The following RGSL1 variants were observed in gnomAD, a reference collection of about 807,000 sequenced individuals.
The protein encoded by RGSL1 is regulator of G protein signaling like 1, also known as regulator of G protein signaling protein-like.
In RGSL1, 97 loss-of-function variants were observed where a neutral mutation model predicts 124.7. The observed-to-expected ratio is 0.78, with a 90% CI of 0.66 to 0.92. The LOEUF is 0.92. Ranked by LOEUF, RGSL1 falls within the 40% of genes least tolerant of loss-of-function variation. RGSL1 has a pLI of 0.00. For synonymous variants in RGSL1, 424 were observed against 438.1 expected (o/e 0.97, Z 0.40); for missense variants, 1,233 against 1,288.4 (o/e 0.96, Z 0.66).
intron 20 of RGSL1, chr1:182,555,784 A>T (rs1660830884): frequency 2.0e-6 from 1 of 512,690 alleles, no homozygotes; most frequent in African/African-American, 1.9e-5. Flanking sequence ...CAGTGCCCAG[A>T]AGACAAACCA....
In RGSL1 at chr1:182,556,214, C is replaced by A. The variant is rs911649248; in HGVS notation, c.*157C>A. 17 of 684,590 alleles carry A rather than the reference C, an allele frequency of 2.5e-5. No homozygotes were observed. Among genetic ancestry groups the A allele is most frequent in the South Asian group, 3.9e-5 (2 of 51,630 alleles). 42.4% of individuals were successfully genotyped at this position (684,590 alleles called of 1,614,324 possible). A position where few individuals can be genotyped will look rare whatever the true frequency, so the allele number is the denominator to read the frequency against. On this transcript the variant is annotated 3_prime_UTR_variant, in exon 21 of 22. Transcript: ENST00000294854. ...ACAGCCCAGATATGGCAGGACCAGA[C>A]TGCAATGGGTAAGACTTGGGCAGAG...
chr1:182,553,414 T>A, intron 18 of RGSL1, 41 bp from the exon 19 acceptor site: 2 of 1,440,162 alleles, frequency 1.4e-6, no homozygotes, highest in Non-Finnish European at 1.9e-6. Flanking sequence ...CAGTAGGAGT[T>A]GTCGCAGGTG....
At chr1:182,517,808 T>C (rs929969793) in intron 9 of RGSL1, among the ~76,000 whole-genome samples, 1 of 152,210 alleles carries the variant, frequency 6.6e-6, no homozygotes, top group African/African-American at 2.4e-5. Context: ...GATCACTGAG[T>C]TTTCTTAAAA....
At chr1:182,546,501 C>G (rs1313902108) in intron 15 of RGSL1, among the ~76,000 whole-genome samples, 1 of 152,284 alleles carries the variant, frequency 6.6e-6, no homozygotes, top group Non-Finnish European at 1.5e-5. Flanking sequence ...TCAAGCGATT[C>G]TCTTGCCTCA....
intron 9 of RGSL1, among the ~76,000 whole-genome samples, chr1:182,507,471 A>G (rs1656903140): frequency 6.6e-6 from 1 of 152,210 alleles, no homozygotes; most frequent in Non-Finnish European, 1.5e-5. Flanking sequence ...ATGAGTAAGA[A>G]CATGTGATAT....
At position 182,551,970 on chromosome 1, in the gene RGSL1, A is replaced by T. The variant is rs76015080; in HGVS notation, c.3043+761A>T. On this transcript the variant is annotated intron_variant, in intron 18 of 21. Coordinates refer to ENST00000294854, the MANE Select transcript of RGSL1 (RefSeq NM_001137669.2). ...TAGCCTAGAAGCAATAGGTTCTTCC[A>T]TAAAGCCTGAGTGTGTAGTGGGCTC... 4.1e-3 allele frequency among the ~76,000 whole-genome samples: 627 copies of T among 152,338 alleles called. 6 individuals carry two copies. Among genetic ancestry groups the T allele is most frequent in the African/African-American group, 0.014 (592 of 41,584 alleles).
intron 15 of RGSL1, among the ~76,000 whole-genome samples, chr1:182,543,080 C>T (rs1659989597): frequency 6.6e-6 from 1 of 152,108 alleles, no homozygotes; most frequent in African/African-American, 2.4e-5. Context: ...AGAACTTCCA[C>T]TACTATATTG....
chr1:182,471,311 C>G (rs1571505934), intron 4 of RGSL1: 1 of 457,470 alleles, frequency 2.2e-6, no homozygotes, highest in East Asian at 7.0e-5. Context: ...AAAGGCAGAC[C>G]AGTGGCTACT....
chr1:182,510,843 TG>T (rs1451461334), intron 9 of RGSL1, among the ~76,000 whole-genome samples: 1 of 152,230 alleles, frequency 6.6e-6, no homozygotes, highest in Non-Finnish European at 1.5e-5. Context: ...CCTTTTCAGG[TG>T]GATAGTCTGC....
At chr1:182,475,051 A>G (rs1654181201) in intron 6 of RGSL1, among the ~76,000 whole-genome samples, 1 of 152,150 alleles carries the variant, frequency 6.6e-6, no homozygotes, top group African/African-American at 2.4e-5. Flanking sequence ...ACGTCCCCCA[A>G]ATCAGCCAAA....
chr1:182,515,557 G>GGGT (rs1448355566), intron 9 of RGSL1, among the ~76,000 whole-genome samples: 1,491 of 143,352 alleles, frequency 0.01, 33 homozygotes, highest in Non-Finnish European at 0.018. Flanking sequence ...AAAAAAAGGG[G>GGGT]GGGGCGGGGT....
chr1:182,530,160 T>TAA (rs368825841), intron 11 of RGSL1, 84 bp from the exon 12 acceptor site: 1,060 of 770,968 alleles, frequency 1.4e-3, no homozygotes, highest in Non-Finnish European at 1.5e-3. Flanking sequence ...GACTCTAAGA[T>TAA]AAAAAAAAAA....
intron 9 of RGSL1, among the ~76,000 whole-genome samples, chr1:182,506,318 T>C (rs1217516328): frequency 6.6e-6 from 1 of 152,168 alleles, no homozygotes; most frequent in Non-Finnish European, 1.5e-5. Flanking sequence ...ACATTTTCTG[T>C]ATTTTTACGA....
rs34247322 is a variant in RGSL1 at position 182,530,538 on chromosome 1, T to TACACACACACACACAC, written c.2243+189_2243+204dup. On this transcript the variant is annotated intron_variant, in intron 12 of 21. Transcript: ENST00000294854. ...TACCTATCTATCTGACACACACACA[T>TACACACACACACACAC]ACACACACACACACACACACACACA... Among the ~76,000 whole-genome samples the TACACACACACACACAC allele has an allele frequency of 1.0e-3, 150 of 149,254 alleles. 2 individuals are homozygous for TACACACACACACACAC. Among genetic ancestry groups the TACACACACACACACAC allele is most frequent in the Middle Eastern group, 3.4e-3 (1 of 292 alleles).
Position 182,530,264 on chromosome 1 carries a change from G to A in RGSL1, c.2146G>A (p.Ala716Thr). ...TCTAGAAGAAATGCTGCAGTGTGAT[G>A]CCCCTATTATCAAAGAAATCGCTTC... is the stretch of plus-strand genomic sequence containing the variant. ...LSPEEMLQCD[A>T]PIIKEIASMR... Residue 716 changes from alanine to threonine, a missense_variant, in exon 12 of 22, where the codon GCC becomes ACC. Transcript: ENST00000294854. 1 of 1,550,694 alleles carries A rather than the reference G, an allele frequency of 6.4e-7. No homozygotes were observed. The highest frequency in any genetic ancestry group is 8.7e-7 in the Non-Finnish European group (1 of 1,146,342).
intron 4 of RGSL1, among the ~76,000 whole-genome samples, chr1:182,467,383 G>A (rs1653430248): frequency 6.6e-6 from 1 of 152,192 alleles, no homozygotes; most frequent in African/African-American, 2.4e-5. Flanking sequence ...CAAGGCTACA[G>A]TAATCAAAAC....
chr1:182,458,089 G>C (rs979604797), intron 2 of RGSL1, among the ~76,000 whole-genome samples: 8 of 152,220 alleles, frequency 5.3e-5, no homozygotes, highest in Admixed American at 5.2e-4. Flanking sequence ...TAGCTCCCAG[G>C]TTGGGGCGTG....
At chr1:182,550,748 G>A (rs1323968816) in intron 17 of RGSL1, 2 of 210,174 alleles carry the variant, frequency 9.5e-6, no homozygotes, top group African/African-American at 2.3e-5. Context: ...CATACCAGGT[G>A]GGGTTAGATA....
chr1:182,496,455 A>G (rs1207847209), intron 9 of RGSL1, among the ~76,000 whole-genome samples: 1 of 152,208 alleles, frequency 6.6e-6, no homozygotes, highest in Non-Finnish European at 1.5e-5. Context: ...CCATAGCTCA[A>G]TAGCACATTG....
Sources: gnomAD v4.1 joint callset for allele counts (sites outside exome capture counted in the v4.1 genomes callset) on GRCh38, gnomAD v4.1.1 for gene constraint, MANE v1.5 for transcripts, NCBI Gene and HGNC (gene_info 2026-07-23, HGNC 2026-07-21) for gene names.